PHACTR2: variants seen among roughly 807,000 people sequenced by gnomAD.
The protein encoded by PHACTR2 is phosphatase and actin regulator 2, also known as chromosome 6 open reading frame 56.
In PHACTR2, 30 loss-of-function variants were observed where a neutral mutation model predicts 76.0. That is an observed-to-expected ratio of 0.39 (90% confidence interval 0.30 to 0.54). PHACTR2 has a LOEUF of 0.54. PHACTR2 is among the 20% of genes least tolerant of loss of function. The pLI is 0.61. For missense variants in PHACTR2, 696 were observed against 781.1 expected, an observed-to-expected ratio of 0.89 and a Z score of 1.30; for synonymous variants, 292 against 292.5, an observed-to-expected ratio of 1.00 and a Z score of 0.02.
rs1360116437 is a variant in PHACTR2, at chr6:143,602,020, AT to A, written c.217+64819del. ...ATATTCATTGCCTCAAGCATTTATCATTTTTTATGTTAGGAACATTCCAATT... is the reference window on the plus strand; with the variant it reads ...ATATTCATTGCCTCAAGCATTTATCATTTTTATGTTAGGAACATTCCAATT... On this transcript the variant is annotated intron_variant, in intron 1 of 11. Transcript: ENST00000367584. The surrounding 1 kb of genome is among the most constrained non-coding windows in gnomAD (Gnocchi z 6.1). 6.6e-6 allele frequency among the ~76,000 whole-genome samples: 1 copy of A among 152,170 alleles called. No homozygotes were observed. Among genetic ancestry groups the A allele is most frequent in the Non-Finnish European group, 1.5e-5 (1 of 68,006 alleles).
chr6:143,772,322 G>GAAGATTCGC lies in PHACTR2; in HGVS notation c.1299_1300insGATTCGCAA (p.Glu433_Ser434insAspSerGln). On this transcript the variant is annotated inframe_insertion, in exon 7 of 13. Coordinates refer to ENST00000440869, the MANE Select transcript of PHACTR2 (RefSeq NM_001100164.2). This position sits in a 1 kb window ranked among gnomAD's most constrained non-coding sequence, Gnocchi z 5.4. The stretch of plus-strand genomic sequence containing the variant: ...GCTACTGACTCCTGGGCTGATGGGC[G>GAAGATTCGC]AATCTTCAGAATCCTTTAGTGCCTC... 1 of 1,613,782 alleles carries GAAGATTCGC rather than the reference G, an allele frequency of 6.2e-7. No homozygotes were observed. Among genetic ancestry groups the GAAGATTCGC allele is most frequent in the Non-Finnish European group, 8.5e-7 (1 of 1,179,686 alleles).
rs921891114 is a variant in PHACTR2 at position 143,818,723 on chromosome 6, C to T, written c.1923-4951C>T. Among the ~76,000 whole-genome samples the T allele has an allele frequency of 2.6e-5, 4 of 152,044 alleles. No individual in the cohort carries two copies. The highest frequency in any genetic ancestry group is 6.5e-5 in the Admixed American group (1 of 15,272). On this transcript the variant is annotated intron_variant, in intron 12 of 12. Transcript: ENST00000440869. The surrounding 1 kb of genome is among the most constrained non-coding windows in gnomAD (Gnocchi z 4.9). ...TGCAGGGAGAAGCCCAATCAGATCT[C>T]GTGAGTACTCACTGTCACGAGAACA...
Position 143,541,950 on chromosome 6 carries a change from G to A in PHACTR2, c.217+4743G>A, listed in dbSNP as rs971647457. ...CAAGAGGCTTCTGAGCCCCAGCCAC[G>A]AGCTAAGCTGGAGGTGCCCTAGGCC... On this transcript the variant is annotated intron_variant, in intron 1 of 11. Transcript: ENST00000367584. The surrounding 1 kb of genome is among the most constrained non-coding windows in gnomAD (Gnocchi z 5.3). Among the ~76,000 whole-genome samples the A allele has an allele frequency of 6.6e-6, 1 of 152,208 alleles. No homozygotes were observed. The highest frequency in any genetic ancestry group is 2.4e-5 in the African/African-American group (1 of 41,444).
chr6:143,758,026 A>G (rs890448304), intron 4 of PHACTR2, among the ~76,000 whole-genome samples: 1 of 152,198 alleles, frequency 6.6e-6, no homozygotes, highest in Non-Finnish European at 1.5e-5. Flanking sequence ...ATGTTCACAC[A>G]TAGTTGGTAG....
At chr6:143,705,556 A>G (rs890683344) in intron 1 of PHACTR2, among the ~76,000 whole-genome samples, 8 of 152,166 alleles carry the variant, frequency 5.3e-5, no homozygotes, top group Non-Finnish European at 1.2e-4. Flanking sequence ...TCAGCCTTCC[A>G]AAGTGCTGGG....
intron 3 of PHACTR2, among the ~76,000 whole-genome samples, chr6:143,749,564 A>T (rs558292943): frequency 1.3e-5 from 2 of 152,342 alleles, no homozygotes; most frequent in South Asian, 4.1e-4. Context: ...GAATAGGCAA[A>T]CTAAACTAAC....
intron 1 of PHACTR2, among the ~76,000 whole-genome samples, chr6:143,651,768 T>G (rs1776768325): frequency 6.6e-6 from 1 of 151,656 alleles, no homozygotes; most frequent in Non-Finnish European, 1.5e-5. Flanking sequence ...GGTGATGGGG[T>G]TGATCTGTAC....
intron 3 of PHACTR2, among the ~76,000 whole-genome samples, chr6:143,752,821 T>C (rs1173125575): frequency 6.6e-6 from 1 of 152,192 alleles, no homozygotes; most frequent in Non-Finnish European, 1.5e-5. Flanking sequence ...AACCTTCCAT[T>C]TGTTAATTTT....
At chr6:143,797,705 A>G (rs906481216) in intron 11 of PHACTR2, among the ~76,000 whole-genome samples, 6 of 152,260 alleles carry the variant, frequency 3.9e-5, no homozygotes, top group Middle Eastern at 3.4e-3. Context: ...AGGTTTGTCA[A>G]AGATCAGGTG....
At chr6:143,674,855 C>G (rs1402076112), upstream of PHACTR2, among the ~76,000 whole-genome samples, 1 of 152,212 alleles carries the variant, frequency 6.6e-6, no homozygotes, top group Non-Finnish European at 1.5e-5. This position sits in a 1 kb window ranked among gnomAD's most constrained non-coding sequence, Gnocchi z 4.9. Flanking sequence ...TGTAAACCAT[C>G]TTCTCTAAAG....
At chr6:143,586,207 A>G (rs935363349) in intron 1 of PHACTR2, among the ~76,000 whole-genome samples, 4 of 134,574 alleles carry the variant, frequency 3.0e-5, no homozygotes, top group African/African-American at 7.8e-5. Flanking sequence ...CAAGTGTAGA[A>G]AAAGAGAGAG....
At chr6:143,759,652 T>C (rs1334229973) in intron 4 of PHACTR2, among the ~76,000 whole-genome samples, 1 of 145,600 alleles carries the variant, frequency 6.9e-6, no homozygotes, top group Non-Finnish European at 1.5e-5. Context: ...ATTTTTTTTT[T>C]AAGATTTTCT....
chr6:143,562,856 C>T lies in PHACTR2; in HGVS notation c.217+25649C>T, dbSNP rs1775301344. Among the ~76,000 whole-genome samples the T allele has an allele frequency of 6.6e-6, 1 of 152,224 alleles. No individual in the cohort carries two copies. Among genetic ancestry groups the T allele is most frequent in the East Asian group, 1.9e-4 (1 of 5,182 alleles). ...TGCAACATGGCTTGAAAACATTCTG[C>T]TCAATGAAATAAGCCAGACACAGAT... On this transcript the variant is annotated intron_variant, in intron 1 of 11. Transcript: ENST00000367584. The surrounding 1 kb of genome is among the most constrained non-coding windows in gnomAD (Gnocchi z 5.1).
At chr6:143,817,663 A>T (rs937882980) in intron 12 of PHACTR2, among the ~76,000 whole-genome samples, 13 of 152,220 alleles carry the variant, frequency 8.5e-5, no homozygotes, top group African/African-American at 2.9e-4. Context: ...ATGGAATACT[A>T]CTCAGCCACA....
rs1272729328 is a variant in PHACTR2 at position 143,742,662 on chromosome 6, G to A, written c.215-6323G>A. Among the ~76,000 whole-genome samples the A allele has an allele frequency of 6.6e-6, 1 of 152,142 alleles. No individual in the cohort carries two copies. Among genetic ancestry groups the A allele is most frequent in the Non-Finnish European group, 1.5e-5 (1 of 68,012 alleles). On this transcript the variant is annotated intron_variant, in intron 2 of 12. Transcript: ENST00000440869. This position sits in a 1 kb window ranked among gnomAD's most constrained non-coding sequence, Gnocchi z 4.5. ...AGAGGGGGAATGTGGCTTCCCAAAGGAAAAATGTCAGGAAGGCCATTTCTA... is the reference window on the plus strand; with the variant it reads ...AGAGGGGGAATGTGGCTTCCCAAAGAAAAAATGTCAGGAAGGCCATTTCTA...
At position 143,782,277 on chromosome 6, in the gene PHACTR2, T is replaced by G. The variant is rs1280399884; in HGVS notation, c.1646-942T>G. On this transcript the variant is annotated intron_variant, in intron 9 of 12. Transcript: ENST00000440869. The surrounding 1 kb of genome is among the most constrained non-coding windows in gnomAD (Gnocchi z 4.6). ...ATAAACAAATAGAAGAAGTTTTCCT[T>G]TTTCAACCTTTTGGTCAAGGCTTTA... is the stretch of plus-strand genomic sequence containing the variant. Among the ~76,000 whole-genome samples the G allele has an allele frequency of 1.3e-5, 2 of 152,136 alleles. No homozygotes were observed. The highest frequency in any genetic ancestry group is 2.9e-5 in the Non-Finnish European group (2 of 68,028).
intron 1 of PHACTR2, among the ~76,000 whole-genome samples, chr6:143,686,890 C>T (rs757170051): frequency 1.2e-4 from 18 of 152,190 alleles, no homozygotes; most frequent in South Asian, 4.1e-4. Flanking sequence ...GGACCTTGAC[C>T]GTAATTAAAG....
chr6:143,611,734 C>T lies in PHACTR2; in HGVS notation c.13+3412C>T, dbSNP rs1039243058. Among the ~76,000 whole-genome samples the T allele has an allele frequency of 2.0e-5, 3 of 152,124 alleles. No individual in the cohort carries two copies. Among genetic ancestry groups the T allele is most frequent in the African/African-American group, 4.8e-5 (2 of 41,428 alleles). Reference sequence around the variant, plus strand: ...AACAAATAAATATATGCTCCAGCAGCGTGGCTCTGAAAGTGGTGTGGATGA... The same window carrying T: ...AACAAATAAATATATGCTCCAGCAGTGTGGCTCTGAAAGTGGTGTGGATGA... On this transcript the variant is annotated intron_variant, in intron 1 of 11. Transcript: ENST00000305766. The surrounding 1 kb of genome is among the most constrained non-coding windows in gnomAD (Gnocchi z 4.4).
At chr6:143,686,437 G>T (rs1201764883) in intron 1 of PHACTR2, among the ~76,000 whole-genome samples, 1 of 139,564 alleles carries the variant, frequency 7.2e-6, no homozygotes, top group Non-Finnish European at 1.5e-5. Flanking sequence ...AATATGTAAA[G>T]AAAAATTTAT....
Sources: gnomAD v4.1 joint callset for allele counts (sites outside exome capture counted in the v4.1 genomes callset) on GRCh38, gnomAD v4.1.1 for gene constraint, Gnocchi (gnomAD v3.1) non-coding constraint, MANE v1.5 for transcripts, NCBI Gene and HGNC (gene_info 2026-07-23, HGNC 2026-07-21) for gene names.